The following RAB19 variants were observed in gnomAD, a reference collection of about 807,000 sequenced individuals.
RAB19 encodes the protein RAB19, member RAS oncogene family.
Under a neutral mutation model 17.3 loss-of-function variants are expected in RAB19, and 21 were observed. That is an observed-to-expected ratio of 1.21 (90% CI 0.86 to 1.74). RAB19 has a LOEUF of 1.74. RAB19 is among the 40% of genes most tolerant of loss of function. The probability of loss-of-function intolerance (pLI) is 0.00; values close to 1 mark genes in which losing one functional copy is unlikely to be tolerated. For synonymous variants in RAB19, 126 were observed against 110.4 expected (o/e 1.14, Z -0.88); for missense variants, 277 against 286.8 (o/e 0.97, Z 0.25).
intron 3 of RAB19, among the ~76,000 whole-genome samples, chr7:140,421,551 A>C (rs1182911486): frequency 6.6e-6 from 1 of 152,060 alleles, no homozygotes. Context: ...GTAAAGATGA[A>C]GTTTCACTAT....
intron 3 of RAB19, 63 bp downstream of exon 3, chr7:140,412,120 C>T (rs1011351958): frequency 6.8e-6 from 10 of 1,466,150 alleles, no homozygotes; most frequent in Non-Finnish European, 9.4e-6. Flanking sequence ...CAGCTTTCTG[C>T]ATGTTTCTAA....
At chr7:140,425,700 G>A (rs541241033) in intron 3 of RAB19, among the ~76,000 whole-genome samples, 182 bp from the exon 4 acceptor site, 3 of 151,118 alleles carry the variant, frequency 2.0e-5, no homozygotes, top group Non-Finnish European at 2.9e-5. Flanking sequence ...CTCCAGCCTG[G>A]GCGACAAGAG....
chr7:140,419,067 GTTTGT>G (rs1245233383), intron 3 of RAB19, among the ~76,000 whole-genome samples: 2 of 106,438 alleles, frequency 1.9e-5, no homozygotes, highest in African/African-American at 3.6e-5. Context: ...TTGTTTTGTG[GTTTGT>G]TTTTTTTTTT....
At chr7:140,424,627 A>C (rs1195013522) in intron 3 of RAB19, among the ~76,000 whole-genome samples, 58 of 134,782 alleles carry the variant, frequency 4.3e-4, no homozygotes, top group Non-Finnish European at 5.8e-4. Flanking sequence ...CTCTATATAT[A>C]TATATATATA....
At chr7:140,422,174 G>A (rs1799573260) in intron 3 of RAB19, among the ~76,000 whole-genome samples, 1 of 152,096 alleles carries the variant, frequency 6.6e-6, no homozygotes, top group African/African-American at 2.4e-5. Context: ...ATCACCTAAA[G>A]TCAGGAGTTC....
intron 3 of RAB19, among the ~76,000 whole-genome samples, chr7:140,424,221 G>A (rs1030623981): frequency 2.7e-4 from 40 of 146,334 alleles, no homozygotes; most frequent in East Asian, 1.2e-3. Flanking sequence ...GCAATAGTGC[G>A]ATCTCAGCTC....
intron 2 of RAB19, among the ~76,000 whole-genome samples, chr7:140,408,443 G>A (rs147987057): frequency 1.3e-5 from 2 of 151,756 alleles, no homozygotes; most frequent in East Asian, 3.9e-4. Context: ...TGCTTTTTTG[G>A]GGGGGTGGGG....
chr7:140,419,670 G>C (rs1585429093), intron 3 of RAB19, among the ~76,000 whole-genome samples: 1 of 152,122 alleles, frequency 6.6e-6, no homozygotes, highest in Admixed American at 6.6e-5. Flanking sequence ...GTAATACCCA[G>C]GAGCAAAATT....
chr7:140,415,167 C>G (rs1444394710), intron 3 of RAB19, among the ~76,000 whole-genome samples: 1 of 151,870 alleles, frequency 6.6e-6, no homozygotes, highest in East Asian at 1.9e-4. Context: ...CTCCACCACC[C>G]GGGTTCAAGT....
chr7:140,411,130 T>C, intron 2 of RAB19: 1 of 1,366,120 alleles, frequency 7.3e-7, no homozygotes. Context: ...CCGGGCGCAG[T>C]GGCTCACGCC....
chr7:140,425,976 A>G lies in RAB19; in HGVS notation c.480A>G (p.Thr160=), dbSNP rs755123670. The change falls in exon 4 of 4, where the codon ACA becomes ACG. Residue 160 remains threonine (T), a synonymous_variant. Transcript: ENST00000537763. ...ACGGCCTCCTGGCCGTTTTGGAGAC[A>G]TCTGCCAAGGAGTCAAAGAACATAG... The part of the protein sequence containing the change: ...EKYGLLAVLE[T]SAKESKNIEE... 235 of 1,614,064 alleles carry G rather than the reference A, an allele frequency of 1.5e-4. No individual in the cohort carries two copies. Among genetic ancestry groups the G allele is most frequent in the Non-Finnish European group, 2.0e-4 (232 of 1,180,044 alleles).
chr7:140,424,691 C>G (rs201657351), intron 3 of RAB19, among the ~76,000 whole-genome samples: 2 of 139,362 alleles, frequency 1.4e-5, no homozygotes, highest in African/African-American at 5.3e-5. Context: ...ATACACATAT[C>G]TATATATACA....
intron 3 of RAB19, among the ~76,000 whole-genome samples, chr7:140,414,333 C>A (rs1465189985): frequency 6.6e-6 from 1 of 152,134 alleles, no homozygotes; most frequent in East Asian, 1.9e-4. Context: ...TGAGCCACCA[C>A]CCCCGGCCCC....
intron 3 of RAB19, among the ~76,000 whole-genome samples, chr7:140,416,634 T>C (rs1298356693): frequency 6.6e-6 from 1 of 152,198 alleles, no homozygotes; most frequent in East Asian, 1.9e-4. Context: ...GGCAGGGCCG[T>C]CTGTCACTGT....
At chr7:140,415,873 C>A (rs1799448058) in intron 3 of RAB19, among the ~76,000 whole-genome samples, 1 of 151,514 alleles carries the variant, frequency 6.6e-6, no homozygotes, top group Non-Finnish European at 1.5e-5. Context: ...CCAGTGCACT[C>A]CAACCTGGGT....
chr7:140,417,690 G>A (rs1201450796), intron 3 of RAB19, among the ~76,000 whole-genome samples: 1 of 152,190 alleles, frequency 6.6e-6, no homozygotes, highest in Non-Finnish European at 1.5e-5. Flanking sequence ...TGTTCTGGAG[G>A]CCACAAGTCT....
At chr7:140,424,613 CTCTCTCTATA>C (rs1380816137) in intron 3 of RAB19, among the ~76,000 whole-genome samples, 47 of 79,242 alleles carry the variant, frequency 5.9e-4, no homozygotes, top group African/African-American at 1.7e-3. Flanking sequence ...CTCTCTCTCT[CTCTCTCTATA>C]TATATATATA....
chr7:140,423,771 G>A (rs1799602878), intron 3 of RAB19, among the ~76,000 whole-genome samples: 3 of 152,174 alleles, frequency 2.0e-5, no homozygotes, highest in South Asian at 2.1e-4. Flanking sequence ...AGGAATCTAC[G>A]CATGTGATCA....
At chr7:140,408,045 T>TA (rs1469138239) in intron 2 of RAB19, among the ~76,000 whole-genome samples, 198 bp downstream of exon 2, 2 of 18,310 alleles carry the variant, frequency 1.1e-4, no homozygotes, top group Non-Finnish European at 2.0e-4. Context: ...GCCCGGCAAA[T>TA]TTTTTTTTTT....
Sources: gnomAD v4.1 joint callset for allele counts (sites outside exome capture counted in the v4.1 genomes callset) on GRCh38, gnomAD v4.1.1 for gene constraint, MANE v1.5 for transcripts, NCBI Gene and HGNC (gene_info 2026-07-23, HGNC 2026-07-21) for gene names.